HFM1: variants seen among roughly 807,000 people sequenced by gnomAD.
HFM1 encodes helicase for meiosis 1, also known as probable ATP-dependent DNA helicase HFM1.
A neutral mutation model predicts 192.1 loss-of-function variants in HFM1; 169 were observed. The ratio of observed to expected loss-of-function variants is 0.88; its 90% CI spans 0.78 to 1.00. The LOEUF is 1.00. Ranked by LOEUF, HFM1 falls within the 50% of genes least tolerant of loss-of-function variation. The pLI, the probability that HFM1 is intolerant of heterozygous loss-of-function variation, is 0.00. For missense variants in HFM1, 1,661 were observed against 1,668.0 expected (o/e 1.00, Z 0.07); for synonymous variants, 525 against 537.8 (o/e 0.98, Z 0.33).
At chr1:91,293,338 A>C (rs1445572124) in intron 30 of HFM1, among the ~76,000 whole-genome samples, 1 of 152,184 alleles carries the variant, frequency 6.6e-6, no homozygotes, top group Non-Finnish European at 1.5e-5. Context: ...TCTACAAAGA[A>C]CTCAAACAAA....
intron 7 of HFM1, 33 bp from the exon 8 acceptor site, chr1:91,380,269 T>C (rs751018470): frequency 7.5e-7 from 1 of 1,334,154 alleles, no homozygotes; most frequent in Non-Finnish European, 1.0e-6. Flanking sequence ...TCATGTAACA[T>C]ATAGACTTTT....
intron 4 of HFM1, among the ~76,000 whole-genome samples, chr1:91,386,734 A>G (rs966078689): frequency 6.6e-6 from 1 of 152,184 alleles, no homozygotes; most frequent in Non-Finnish European, 1.5e-5. Context: ...GAAGTGATTC[A>G]AGTTACTGAA....
intron 13 of HFM1, among the ~76,000 whole-genome samples, chr1:91,355,303 C>CAACT (rs1327768120): frequency 6.6e-6 from 1 of 151,866 alleles, no homozygotes; most frequent in African/African-American, 2.4e-5. Context: ...AAGAAAGGAA[C>CAACT]AACTGATCTA....
intron 30 of HFM1, among the ~76,000 whole-genome samples, chr1:91,291,926 A>G (rs1266583614): frequency 1.3e-5 from 2 of 152,248 alleles, no homozygotes; most frequent in Non-Finnish European, 2.9e-5. Flanking sequence ...GTAATCCAGC[A>G]TATAAACAGA....
rs1200526793 is a variant in HFM1, at chr1:91,396,320, C to T, written c.157G>A (p.Glu53Lys). The change falls in exon 3 of 39, where the codon GAA (glutamate) becomes AAA (lysine). Residue 53 changes from glutamate (E) to lysine (K), a missense_variant. Transcript: ENST00000370425. ...SEIPDTQELE[E>K]ELESHKLLGQ... ...AACAGTTTATGACTTTCTAATTCTT[C>T]CTCTAACTCCTGAGTATCTGGAATT... 2 of 1,582,628 alleles carry T rather than the reference C, an allele frequency of 1.3e-6. No individual in the cohort carries two copies. Among genetic ancestry groups the T allele is most frequent in the African/African-American group, 1.3e-5 (1 of 74,186 alleles).
intron 2 of HFM1, among the ~76,000 whole-genome samples, chr1:91,399,778 G>A (rs1277687996): frequency 1.3e-5 from 2 of 152,148 alleles, no homozygotes; most frequent in African/African-American, 4.8e-5. Flanking sequence ...TGTACTCCAA[G>A]ACGACCTTCC....
At chr1:91,400,573 C>T (rs1422776758) in intron 2 of HFM1, among the ~76,000 whole-genome samples, 6 of 152,030 alleles carry the variant, frequency 3.9e-5, no homozygotes, top group Admixed American at 2.6e-4. Context: ...CCTCCGCCTC[C>T]GGGCTTCAAG....
Position 91,378,181 on chromosome 1 carries a change from T to C in HFM1, c.1239A>G (p.Val413=), listed in dbSNP as rs758616902. ...QLVRLFLIDE[V]HIVKDENRGP... ...CACGATTTTCATCTTTTACAATATGTACCTAAGCAGGAAATCAAGAAAAAA... is the reference window on the plus strand; with the variant it reads ...CACGATTTTCATCTTTTACAATATGCACCTAAGCAGGAAATCAAGAAAAAA... Residue 413 remains valine, a splice_region_variant and synonymous_variant, in exon 11 of 39, where the codon GTA becomes GTG. Coordinates refer to ENST00000370425, the MANE Select transcript of HFM1 (RefSeq NM_001017975.6). The C allele has an allele frequency of 6.3e-7, 1 of 1,576,134 alleles. No homozygotes were observed. Among genetic ancestry groups the C allele is most frequent in the South Asian group, 1.2e-5 (1 of 84,318 alleles).
chr1:91,271,700 T>C (rs1292352982), intron 34 of HFM1, among the ~76,000 whole-genome samples: 1 of 151,828 alleles, frequency 6.6e-6, no homozygotes, highest in African/African-American at 2.4e-5. Flanking sequence ...TGGTTACAGA[T>C]GGATGCAGAG....
chr1:91,300,633 T>C (rs1648590315), intron 30 of HFM1, among the ~76,000 whole-genome samples: 1 of 152,138 alleles, frequency 6.6e-6, no homozygotes, highest in Non-Finnish European at 1.5e-5. Context: ...GTTCAACATA[T>C]GCAAATCAAT....
intron 11 of HFM1, 69 bp from the exon 12 acceptor site, chr1:91,375,796 A>G: frequency 1.6e-6 from 2 of 1,251,600 alleles, no homozygotes; most frequent in Non-Finnish European, 2.3e-6. Flanking sequence ...AAACAACCCA[A>G]TTACAAAGCA....
At chr1:91,364,774 C>T (rs374554521) in intron 13 of HFM1, among the ~76,000 whole-genome samples, 63 of 151,232 alleles carry the variant, frequency 4.2e-4, no homozygotes, top group South Asian at 3.8e-3. Context: ...GCTGGGACTA[C>T]AGGCACCAGC....
chr1:91,366,867 G>C (rs1369475219), intron 13 of HFM1, among the ~76,000 whole-genome samples: 5 of 152,224 alleles, frequency 3.3e-5, no homozygotes, highest in Non-Finnish European at 7.3e-5. Context: ...GTCAAAGAAA[G>C]GGGTGACAGA....
At chr1:91,330,223 A>T (rs1469681138) in intron 20 of HFM1, among the ~76,000 whole-genome samples, 1 of 152,290 alleles carries the variant, frequency 6.6e-6, no homozygotes, top group South Asian at 2.1e-4. Flanking sequence ...TTTTAAAGTT[A>T]TAAAGAAAAA....
At chr1:91,309,306 T>C (rs1650098741) in intron 30 of HFM1, among the ~76,000 whole-genome samples, 1 of 152,228 alleles carries the variant, frequency 6.6e-6, no homozygotes, top group South Asian at 2.1e-4. Context: ...AGACTGCCTA[T>C]GCTGCAAGTG....
At chr1:91,289,288 C>T (rs1348750564) in intron 30 of HFM1, among the ~76,000 whole-genome samples, 1 of 151,644 alleles carries the variant, frequency 6.6e-6, no homozygotes, top group African/African-American at 2.4e-5. Context: ...AGGCGCTCCC[C>T]ACATCCCAGA....
chr1:91,272,344 C>T (rs1449926358), intron 34 of HFM1, among the ~76,000 whole-genome samples: 1 of 151,824 alleles, frequency 6.6e-6, no homozygotes, highest in Non-Finnish European at 1.5e-5. Flanking sequence ...ATCCTGCGAA[C>T]TTAACTACTA....
chr1:91,337,517 C>T (rs1285962691), intron 20 of HFM1, among the ~76,000 whole-genome samples: 1 of 152,050 alleles, frequency 6.6e-6, no homozygotes, highest in African/African-American at 2.4e-5. Flanking sequence ...AAAATTACAT[C>T]TACATTAATA....
At chr1:91,381,996 C>T (rs1279988848) in intron 6 of HFM1, among the ~76,000 whole-genome samples, 1 of 152,128 alleles carries the variant, frequency 6.6e-6, no homozygotes, top group Non-Finnish European at 1.5e-5. Flanking sequence ...CACTCCCTCC[C>T]CGCATCAGCC....
Sources: allele counts gnomAD v4.1 joint callset (sites outside exome capture counted in the v4.1 genomes callset), GRCh38; gene constraint gnomAD v4.1.1; transcripts MANE v1.5; gene names NCBI Gene and HGNC (gene_info 2026-07-23, HGNC 2026-07-21).